The following CCDC148 variants were observed in gnomAD, a reference collection of about 807,000 sequenced individuals.
CCDC148 encodes coiled-coil domain containing 148.
In CCDC148, 89 loss-of-function variants were observed where a neutral mutation model predicts 85.7. The ratio of observed to expected loss-of-function variants is 1.04; its 90% confidence interval spans 0.87 to 1.24. The LOEUF is 1.24. Among genes scored for constraint, CCDC148 ranks in the 50% most tolerant of loss-of-function variants. The pLI, the probability that CCDC148 is intolerant of heterozygous loss-of-function variation, is 0.00. For missense variants in CCDC148, 692 were observed against 671.7 expected, an observed-to-expected ratio of 1.03 and a Z score of -0.33; for synonymous variants, 230 against 213.9, an observed-to-expected ratio of 1.08 and a Z score of -0.66.
Position 158,447,242 on chromosome 2 carries a change from CAGG to C in CCDC148, c.25+9170_25+9172del, listed in dbSNP as rs1439318396. 2.6e-5 allele frequency: 4 copies of C among 152,256 alleles called. No homozygotes were observed. In the East Asian group the frequency reaches 7.7e-4, roughly 29 times the overall value. The allele number at this position is 152,256 out of a possible 1,614,324, so 9.4% of individuals were successfully genotyped here. A position where few individuals can be genotyped will look rare whatever the true frequency, so the allele number is the denominator to read the frequency against. ...TGTGCAATCCCACTACTGATCAGCA[CAGG>C]AGTTTTGACCTGCCCTGTTTCCAAC... On this transcript the variant is annotated intron_variant, in intron 1 of 13. Transcript: ENST00000283233.
At chr2:158,403,282 T>G (rs1685862619) in intron 1 of CCDC148, among the ~76,000 whole-genome samples, 1 of 152,080 alleles carries the variant, frequency 6.6e-6, no homozygotes, top group Admixed American at 6.6e-5. Context: ...TAGATGTTGA[T>G]ATTTCATAAG....
intron 11 of CCDC148, among the ~76,000 whole-genome samples, chr2:158,203,129 C>A (rs886955125): frequency 3.3e-5 from 5 of 152,150 alleles, no homozygotes; most frequent in Admixed American, 6.5e-5. Flanking sequence ...GTCTGTTAGT[C>A]CAGCATCTAC....
chr2:158,206,433 T>C (rs1035291324), intron 11 of CCDC148, among the ~76,000 whole-genome samples: 1 of 139,902 alleles, frequency 7.1e-6, no homozygotes, highest in Non-Finnish European at 1.6e-5. Context: ...GAGCCAGTTT[T>C]ACAGCTGGAT....
At chr2:158,294,439 C>T (rs1350010934) in intron 9 of CCDC148, among the ~76,000 whole-genome samples, 6 of 152,110 alleles carry the variant, frequency 3.9e-5, no homozygotes, top group African/African-American at 1.2e-4. Flanking sequence ...AATGAATAAA[C>T]ACCCATGAGT....
intron 3 of CCDC148, among the ~76,000 whole-genome samples, chr2:158,342,324 CA>C (rs1559084206): frequency 6.6e-6 from 1 of 152,110 alleles, no homozygotes; most frequent in African/African-American, 2.4e-5. Flanking sequence ...AGCCAATTTA[CA>C]TGGGACAAGG....
intron 11 of CCDC148, among the ~76,000 whole-genome samples, chr2:158,216,213 G>A (rs1465239585): frequency 6.6e-6 from 1 of 151,996 alleles, no homozygotes; most frequent in Admixed American, 6.5e-5. Context: ...TTTTAGAGAA[G>A]AGACTACATG....
chr2:158,442,689 G>T (rs999816158), intron 1 of CCDC148, among the ~76,000 whole-genome samples: 1 of 152,220 alleles, frequency 6.6e-6, no homozygotes, highest in Non-Finnish European at 1.5e-5. Context: ...ATGCAGTGTT[G>T]TTCCCCTGCT....
chr2:158,385,877 A>G (rs187292091), intron 1 of CCDC148, among the ~76,000 whole-genome samples: 2 of 152,184 alleles, frequency 1.3e-5, no homozygotes, highest in African/African-American at 4.8e-5. Flanking sequence ...CATCTAGGTC[A>G]TGCCTATCTG....
intron 1 of CCDC148, among the ~76,000 whole-genome samples, chr2:158,441,249 ATCTCTT>A (rs987714825): frequency 1.3e-5 from 2 of 152,154 alleles, no homozygotes; most frequent in African/African-American, 4.8e-5. Context: ...AGATTTCAAC[ATCTCTT>A]CTTCTGAGTC....
At chr2:158,446,194 A>G (rs80293033) in intron 1 of CCDC148, among the ~76,000 whole-genome samples, 11,360 of 152,164 alleles carry the variant, frequency 0.075, 572 homozygotes, top group Middle Eastern at 0.11. Flanking sequence ...CAAAAAAACT[A>G]CAATGTAAAA....
chr2:158,456,214 T>G (rs1688708666), intron 1 of CCDC148, among the ~76,000 whole-genome samples: 1 of 152,218 alleles, frequency 6.6e-6, no homozygotes, highest in Non-Finnish European at 1.5e-5. Context: ...ATCCGCCACC[T>G]CGTTCCCTTA....
chr2:158,317,071 A>G (rs918369739), intron 7 of CCDC148, among the ~76,000 whole-genome samples: 2 of 152,188 alleles, frequency 1.3e-5, no homozygotes, highest in Non-Finnish European at 2.9e-5. Context: ...CTAATGACAG[A>G]ACTAGCTAAA....
chr2:158,384,306 T>C (rs1684996784), intron 1 of CCDC148, among the ~76,000 whole-genome samples: 1 of 152,188 alleles, frequency 6.6e-6, no homozygotes, highest in East Asian at 1.9e-4. Flanking sequence ...CATATCTGCA[T>C]AGATTTGTTT....
At chr2:158,371,494 G>A (rs1223752935) in intron 1 of CCDC148, among the ~76,000 whole-genome samples, 1 of 151,814 alleles carries the variant, frequency 6.6e-6, no homozygotes, top group Non-Finnish European at 1.5e-5. Flanking sequence ...ATTTAGCCCT[G>A]GTAGTCATTA....
chr2:158,192,672 AC>A (rs2105274348), intron 11 of CCDC148, among the ~76,000 whole-genome samples: 1 of 152,044 alleles, frequency 6.6e-6, no homozygotes, highest in East Asian at 1.9e-4. Context: ...TGAGAACTTC[AC>A]AGTAACAGAG....
intron 9 of CCDC148, among the ~76,000 whole-genome samples, chr2:158,297,857 C>T (rs1205709590): frequency 2.2e-4 from 33 of 152,192 alleles, no homozygotes; most frequent in Admixed American, 2.0e-3. Context: ...ACCAGCAAAA[C>T]GATGGCCATG....
chr2:158,439,826 C>A (rs973204867), intron 1 of CCDC148, among the ~76,000 whole-genome samples: 1 of 152,114 alleles, frequency 6.6e-6, no homozygotes, highest in South Asian at 2.1e-4. Flanking sequence ...CAATAAGATG[C>A]CACTACACAC....
chr2:158,327,088 T>C (rs1232387598), intron 7 of CCDC148, among the ~76,000 whole-genome samples: 3 of 152,160 alleles, frequency 2.0e-5, no homozygotes, highest in African/African-American at 7.2e-5. Context: ...TTGCTCAATC[T>C]TTCACTACTG....
chr2:158,212,491 C>T (rs556411647), intron 11 of CCDC148, among the ~76,000 whole-genome samples: 19 of 152,078 alleles, frequency 1.2e-4, no homozygotes, highest in Non-Finnish European at 2.6e-4. Context: ...CAATAACTGT[C>T]AATTCTCTGA....
Sources: gnomAD v4.1 joint callset for allele counts (sites outside exome capture counted in the v4.1 genomes callset) on GRCh38, gnomAD v4.1.1 for gene constraint, MANE v1.5 for transcripts, NCBI Gene and HGNC (gene_info 2026-07-23, HGNC 2026-07-21) for gene names.